FBXO27: variants seen among roughly 807,000 people sequenced by gnomAD.
FBXO27 encodes F-box protein 27, also known as F-box only protein 27.
Under a neutral mutation model 28.3 loss-of-function variants are expected in FBXO27, and 28 were observed. The ratio of observed to expected loss-of-function variants is 0.99; its 90% CI spans 0.73 to 1.36. The LOEUF (loss-of-function observed/expected upper bound fraction) is 1.36. FBXO27 is among the 40% of genes most tolerant of loss of function. The pLI, the probability that FBXO27 is intolerant of heterozygous loss-of-function variation, is 0.00. For missense variants in FBXO27, 388 were observed against 394.1 expected (o/e 0.98, Z 0.13); for synonymous variants, 175 against 167.3 (o/e 1.05, Z -0.36).
At chr19:39,031,755 C>G (rs2072905786) in intron 2 of FBXO27, 109 bp downstream of exon 2, 2 of 1,382,886 alleles carry the variant, frequency 1.4e-6, no homozygotes, top group Non-Finnish European at 9.3e-7. Flanking sequence ...CCACTGCGGC[C>G]CTGCCCCTGC....
chr19:39,020,339 T>A (rs544302214), downstream of FBXO27, among the ~76,000 whole-genome samples: 1 of 152,166 alleles, frequency 6.6e-6, no homozygotes, highest in Non-Finnish European at 1.5e-5. Context: ...CGCTTTGTCC[T>A]TGAAGTTAGG....
chr19:39,030,849 C>G, intron 4 of FBXO27, 180 bp downstream of exon 4: 1 of 643,314 alleles, frequency 1.6e-6, no homozygotes, highest in South Asian at 1.8e-5. Context: ...CTCAAGTGAT[C>G]TGCCTGCCTC....
chr19:39,007,540 C>T lies in FBXO27; in HGVS notation c.252+6847G>A, dbSNP rs188989320. Among the ~76,000 whole-genome samples the T allele has an allele frequency of 2.6e-3, 390 of 152,158 alleles. 1 individual carries two copies. The highest frequency in any genetic ancestry group is 7.1e-3 in the Admixed American group (109 of 15,258). On this transcript the variant is annotated intron_variant, in intron 2 of 2. Coordinates refer to the FBXO27 transcript ENST00000598394. ...TTCTTTGGGAGGAGGGGAAAGTTCT[C>T]GGGAGTAGTTCTGAAAGGCAGAGGT...
intron 2 of FBXO27, among the ~76,000 whole-genome samples, chr19:39,010,025 G>A (rs2072787594): frequency 6.6e-6 from 1 of 151,960 alleles, no homozygotes; most frequent in Admixed American, 6.6e-5. Flanking sequence ...GGCCAGACTT[G>A]TCTCGAACTC....
rs866241766 is a variant in FBXO27 at position 39,032,125 on chromosome 19, G to T, written c.103C>A (p.Leu35Met). The T allele has an allele frequency of 6.5e-7, 1 of 1,537,362 alleles. No homozygotes were observed. The change falls in exon 2 of 6, where the codon CTG (leucine) becomes ATG (methionine). Residue 35 changes from leucine to methionine, a missense_variant. By Grantham distance (15) the Leu-to-Met change is conservative. Transcript: ENST00000292853. The surrounding 1 kb of genome is among the most constrained non-coding windows in gnomAD (Gnocchi z 4.7). ...DLSQLPPELLLVVLSHVPPRT... is the reference protein window; with the variant it reads ...DLSQLPPELLMVVLSHVPPRT... ...GGGGGGACGTGGCTCAGCACCACCA[G>T]AAGCAGCTCTGGGGGTAGTTGGCTC...
chr19:39,024,617 G>A lies in FBXO27; in HGVS notation c.*794C>T, dbSNP rs2072862004. 1 of 152,238 alleles carries A rather than the reference G, an allele frequency of 6.6e-6. No homozygotes were observed. The highest frequency in any genetic ancestry group is 2.4e-5 in the African/African-American group (1 of 41,418). 9.4% of individuals were successfully genotyped at this position (152,238 alleles called of 1,614,324 possible). ...GGTTCACTGCAGCCTCTGCCTCCCG[G>A]GCTCAAGCAATTCTCCTGCCTCAGC... On this transcript the variant is annotated 3_prime_UTR_variant, in exon 6 of 6. Transcript: ENST00000292853.
Position 39,025,170 on chromosome 19 carries a change from T to G in FBXO27, c.*241A>C, listed in dbSNP as rs2072865388. 1 of 494,334 alleles carries G rather than the reference T, an allele frequency of 2.0e-6. No homozygotes were observed. Among genetic ancestry groups the G allele is most frequent in the Non-Finnish European group, 3.5e-6 (1 of 284,332 alleles). 30.6% of individuals were successfully genotyped at this position (494,334 alleles called of 1,614,324 possible). ...CCCATGCTCACTTGTGGGTTTCCCC[T>G]CAGTACAGTAGGGCCCCCCCGCAAA... On this transcript the variant is annotated 3_prime_UTR_variant, in exon 6 of 6. Transcript: ENST00000292853.
At chr19:39,020,772 A>AAAAAAAG (rs2072841566), downstream of FBXO27, among the ~76,000 whole-genome samples, 3 of 143,870 alleles carry the variant, frequency 2.1e-5, no homozygotes, top group Non-Finnish European at 3.0e-5. Context: ...AAAAAAAAAA[A>AAAAAAAG]GGTAGGGGGT....
chr19:39,007,852 A>G (rs1339682092), intron 2 of FBXO27, among the ~76,000 whole-genome samples: 1 of 152,102 alleles, frequency 6.6e-6, no homozygotes, highest in Non-Finnish European at 1.5e-5. Context: ...TATGTTGCCC[A>G]GGTTGCCCAG....
chr19:39,022,540 A>G (rs2072850506), downstream of FBXO27, among the ~76,000 whole-genome samples: 2 of 150,748 alleles, frequency 1.3e-5, no homozygotes, highest in Admixed American at 1.3e-4. Context: ...TCCGCCTCCC[A>G]GGTTCAGGTG....
At chr19:39,009,110 C>A (rs2072783109) in intron 2 of FBXO27, among the ~76,000 whole-genome samples, 1 of 152,238 alleles carries the variant, frequency 6.6e-6, no homozygotes, top group Non-Finnish European at 1.5e-5. Flanking sequence ...GCGTGAGCCT[C>A]CATGCCCAGC....
downstream of FBXO27, among the ~76,000 whole-genome samples, chr19:39,023,648 C>G (rs1568459399): frequency 6.6e-6 from 1 of 151,040 alleles, no homozygotes; most frequent in Admixed American, 6.6e-5. Flanking sequence ...GAGTCTCGCT[C>G]TTTCGCCCAG....
Position 39,031,920 on chromosome 19 carries a change from C to T in FBXO27, c.308G>A (p.Arg103His). ...ARNARPCPLGRFCARRPIGRN... is the reference protein window; with the variant it reads ...ARNARPCPLGHFCARRPIGRN... ...TCCGATGGGTCTGCGCGCGCAGAAG[C>T]GGCCCAGGGGGCAAGGCCTGGCGTT... Residue 103 changes from arginine (R) to histidine (H), a missense_variant, in exon 2 of 6, where the codon CGC (arginine) becomes CAC (histidine). Physicochemically the swap from Arg to His is conservative, Grantham distance 29. Transcript: ENST00000292853. 6.6e-7 allele frequency: 1 copy of T among 1,505,486 alleles called. No individual in the cohort carries two copies. Among genetic ancestry groups the T allele is most frequent in the Non-Finnish European group, 8.8e-7 (1 of 1,138,506 alleles). 93.3% of individuals were successfully genotyped at this position (1,505,486 alleles called of 1,614,324 possible). A position where few individuals can be genotyped will look rare whatever the true frequency, so the allele number is the denominator to read the frequency against.
rs754614714 is a variant in FBXO27 at position 39,026,903 on chromosome 19, G to A, written c.675C>T (p.Pro225=). 6.2e-7 allele frequency: 1 copy of A among 1,614,200 alleles called. No homozygotes were observed. Among genetic ancestry groups the A allele is most frequent in the Admixed American group, 1.7e-5 (1 of 60,010 alleles). The change falls in exon 5 of 6, where the codon CCC becomes CCT. Residue 225 remains proline, a synonymous_variant. Transcript: ENST00000292853. ...AGGCATTGTTGTTCCACTGCGGGATGGGATCAGGCACAGCAGAGAATTTAT... is the reference window on the plus strand; with the variant it reads ...AGGCATTGTTGTTCCACTGCGGGATAGGATCAGGCACAGCAGAGAATTTAT... The part of the protein sequence containing the change: ...VLDKFSAVPD[P]IPQWNNNACL...
intron 2 of FBXO27, among the ~76,000 whole-genome samples, chr19:39,013,966 T>C (rs2072807885): frequency 6.6e-6 from 1 of 152,022 alleles, no homozygotes; most frequent in African/African-American, 2.4e-5. Flanking sequence ...TGAGCTGAGA[T>C]CACGCCACTG....
chr19:39,006,769 G>A (rs1600220737), intron 2 of FBXO27, among the ~76,000 whole-genome samples: 1 of 151,856 alleles, frequency 6.6e-6, no homozygotes, highest in Non-Finnish European at 1.5e-5. Context: ...ATAATCAGGG[G>A]ACAACACACA....
intron 2 of FBXO27, among the ~76,000 whole-genome samples, chr19:39,010,723 T>C (rs2072790524): frequency 6.6e-6 from 1 of 152,246 alleles, no homozygotes; most frequent in Admixed American, 6.5e-5. Context: ...CCCCTTAATC[T>C]GCATGTGTTT....
At chr19:39,011,692 G>T (rs2072794857) in intron 2 of FBXO27, among the ~76,000 whole-genome samples, 2 of 145,276 alleles carry the variant, frequency 1.4e-5, no homozygotes, top group African/African-American at 5.4e-5. Context: ...AGAGATGGCG[G>T]CGGGGGAGGG....
Position 39,009,312 on chromosome 19 carries a change from G to T in FBXO27, c.252+5075C>A, listed in dbSNP as rs192473425. ...TCCTCTTGGGTATATATGTAGGAGT[G>T]GAATTGCTATGTCATGCAGTAGAAT... On this transcript the variant is annotated intron_variant, in intron 2 of 2. Transcript: ENST00000598394. Among the ~76,000 whole-genome samples, 35 of 152,282 alleles carry T rather than the reference G, an allele frequency of 2.3e-4. No individual in the cohort carries two copies. In the East Asian group the frequency reaches 5.6e-3, roughly 24 times the overall value.
Sources: gnomAD v4.1 joint callset for allele counts (sites outside exome capture counted in the v4.1 genomes callset) on GRCh38, gnomAD v4.1.1 for gene constraint, Gnocchi (gnomAD v3.1) non-coding constraint, MANE v1.5 for transcripts, NCBI Gene and HGNC (gene_info 2026-07-23, HGNC 2026-07-21) for gene names.